Variants in SGIP1 observed in about 807,000 individuals in gnomAD.
The protein encoded by SGIP1 is SH3-containing GRB2-like protein 3-interacting protein 1.
Under a neutral mutation model 107.5 loss-of-function variants are expected in SGIP1, and 38 were observed. The ratio of observed to expected loss-of-function variants is 0.35; its 90% CI spans 0.27 to 0.46. The LOEUF is 0.46. SGIP1 is among the 20% of genes least tolerant of loss of function. The pLI is 1.00. For missense variants in SGIP1, 929 were observed against 1,019.5 expected (o/e 0.91, Z 1.21); for synonymous variants, 365 against 366.1 (o/e 1.00, Z 0.03).
chr1:66,696,652 T>C (rs1385498212), intron 18 of SGIP1, among the ~76,000 whole-genome samples: 2 of 152,222 alleles, frequency 1.3e-5, no homozygotes, highest in Non-Finnish European at 2.9e-5. Flanking sequence ...TTAGGAAAGA[T>C]GGTCTGATTT....
At chr1:66,595,675 G>A (rs1240289169) in intron 1 of SGIP1, among the ~76,000 whole-genome samples, 2 of 152,072 alleles carry the variant, frequency 1.3e-5, no homozygotes. Flanking sequence ...CATAAAATGT[G>A]CATTAAGAGT....
At chr1:66,713,994 C>T (rs1390061642) in intron 18 of SGIP1, among the ~76,000 whole-genome samples, 1 of 152,046 alleles carries the variant, frequency 6.6e-6, no homozygotes, top group Non-Finnish European at 1.5e-5. Context: ...TTTTGTATCT[C>T]CCTTTGTTTC....
intron 18 of SGIP1, 138 bp from the exon 19 acceptor site, chr1:66,719,154 CAG>C: frequency 1.9e-6 from 1 of 530,078 alleles, no homozygotes. Flanking sequence ...GTTGAATATA[CAG>C]AGTTACGGTT....
At chr1:66,617,318 TA>T (rs35679039) in intron 1 of SGIP1, among the ~76,000 whole-genome samples, 1 of 152,020 alleles carries the variant, frequency 6.6e-6, no homozygotes, top group African/African-American at 2.4e-5. Context: ...TAAATATCAT[TA>T]AAAAAATCAC....
chr1:66,538,065 A>G (rs1463511435), intron 1 of SGIP1, among the ~76,000 whole-genome samples: 2 of 152,190 alleles, frequency 1.3e-5, no homozygotes, highest in Non-Finnish European at 2.9e-5. Flanking sequence ...TTTATGTCCA[A>G]AATCATTATT....
chr1:66,722,422 C>A lies in SGIP1; in HGVS notation c.1742+3017C>A, dbSNP rs1013040797. Among the ~76,000 whole-genome samples the A allele has an allele frequency of 3.3e-5, 5 of 152,170 alleles. No individual in the cohort carries two copies. In the South Asian group the frequency reaches 6.2e-4, roughly 19 times the overall value. On this transcript the variant is annotated intron_variant, in intron 19 of 24. Coordinates refer to ENST00000371037, the MANE Select transcript of SGIP1 (RefSeq NM_032291.4). ...TTGTTGTCCATTATTTGTCTTCTCC[C>A]CCACTAGAATGTAAATACCATGAGA...
chr1:66,587,994 A>G (rs1430298798), intron 1 of SGIP1, among the ~76,000 whole-genome samples: 1 of 152,158 alleles, frequency 6.6e-6, no homozygotes, highest in Non-Finnish European at 1.5e-5. Context: ...ACAAGACAAT[A>G]ACAAGAAGGG....
At chr1:66,729,719 AT>A (rs2093920944) in intron 20 of SGIP1, among the ~76,000 whole-genome samples, 1 of 152,254 alleles carries the variant, frequency 6.6e-6, no homozygotes, top group African/African-American at 2.4e-5. Context: ...TGTTTTACTC[AT>A]TATCAACAGA....
chr1:66,643,738 T>C lies in SGIP1; in HGVS notation c.459+19T>C, dbSNP rs768120691. The C allele has an allele frequency of 8.2e-6, 13 of 1,584,620 alleles. No homozygotes were observed. The African/African-American group carries it at 1.5e-4, about 18-fold the overall frequency. ...ACCAGTGGTGAGTGTTGTGTGTGTG[T>C]GTGTTAAGCTTTAGTGAGATTGAAC... On this transcript the variant is annotated intron_variant, in intron 7 of 24. Transcript: ENST00000371037.
intron 7 of SGIP1, among the ~76,000 whole-genome samples, chr1:66,653,490 G>A (rs1268117906): frequency 6.6e-6 from 1 of 152,046 alleles, no homozygotes; most frequent in Admixed American, 6.6e-5. Context: ...TCAGTAGATG[G>A]TATTTTGCTC....
intron 1 of SGIP1, among the ~76,000 whole-genome samples, chr1:66,568,625 A>G (rs185590471): frequency 1.3e-3 from 192 of 152,008 alleles, no homozygotes; most frequent in African/African-American, 4.3e-3. Flanking sequence ...GATATCAGCT[A>G]TTGGTTTGTC....
Position 66,667,532 on chromosome 1 carries a change from G to A in SGIP1, c.474G>A (p.Arg158=). Reference sequence around the variant, plus strand: ...CTCTTCCTTTTTGCTGATCACAGAGGCGCAGCCCGGTAAGAACTCTCAACA... The same window carrying A: ...CTCTTCCTTTTTGCTGATCACAGAGACGCAGCCCGGTAAGAACTCTCAACA... ...LSPSPVRKSP[R]RSPGAIKRNL... is the part of the protein sequence containing the mutation. Residue 158 remains arginine, a splice_region_variant and synonymous_variant, in exon 9 of 25, where the codon AGG becomes AGA. Transcript: ENST00000371037. The A allele has an allele frequency of 6.2e-7, 1 of 1,613,850 alleles. No individual in the cohort carries two copies. Among genetic ancestry groups the A allele is most frequent in the Non-Finnish European group, 8.5e-7 (1 of 1,179,842 alleles).
chr1:66,617,538 T>C (rs1050347450), intron 1 of SGIP1, among the ~76,000 whole-genome samples: 3 of 152,244 alleles, frequency 2.0e-5, no homozygotes, highest in Admixed American at 6.5e-5. Flanking sequence ...ATATGCGGCA[T>C]TGTGCCCAGG....
chr1:66,568,026 T>C (rs542697656), intron 1 of SGIP1, among the ~76,000 whole-genome samples: 1 of 152,202 alleles, frequency 6.6e-6, no homozygotes, highest in African/African-American at 2.4e-5. Flanking sequence ...AGTAGTTTTT[T>C]CTGATTCTGT....
intron 8 of SGIP1, among the ~76,000 whole-genome samples, chr1:66,667,230 T>C (rs1353950160): frequency 1.3e-5 from 2 of 152,130 alleles, no homozygotes; most frequent in Non-Finnish European, 2.9e-5. Flanking sequence ...ACATTAAACA[T>C]TGTCAGTAAA....
chr1:66,727,527 G>T (rs2093811231), intron 19 of SGIP1, among the ~76,000 whole-genome samples: 1 of 152,182 alleles, frequency 6.6e-6, no homozygotes, highest in Non-Finnish European at 1.5e-5. Context: ...CTCTCCTCCT[G>T]TGTACTTACC....
At chr1:66,536,219 C>T (rs996675670) in intron 1 of SGIP1, among the ~76,000 whole-genome samples, 1 of 144,086 alleles carries the variant, frequency 6.9e-6, no homozygotes, top group Non-Finnish European at 1.5e-5. Context: ...ATCTAATGAA[C>T]AATGTTATCT....
intron 18 of SGIP1, among the ~76,000 whole-genome samples, chr1:66,712,753 G>A (rs1449685963): frequency 6.6e-6 from 1 of 152,052 alleles, no homozygotes; most frequent in Non-Finnish European, 1.5e-5. Flanking sequence ...CTTCTGTTAA[G>A]AATTTAAATT....
At chr1:66,653,631 A>G (rs557635512) in intron 7 of SGIP1, among the ~76,000 whole-genome samples, 3 of 152,242 alleles carry the variant, frequency 2.0e-5, no homozygotes, top group African/African-American at 7.2e-5. Context: ...GATCACAAAC[A>G]CTCAATTTCT....
Sources: allele counts gnomAD v4.1 joint callset (sites outside exome capture counted in the v4.1 genomes callset), GRCh38; gene constraint gnomAD v4.1.1; transcripts MANE v1.5; gene names NCBI Gene and HGNC (gene_info 2026-07-23, HGNC 2026-07-21).